BRD9: variants seen among roughly 807,000 people sequenced by gnomAD.
BRD9 encodes bromodomain-containing protein 9.
BRD9 carries 47 observed loss-of-function variants against 68.7 expected under a neutral mutation model. The observed-to-expected ratio is 0.68, with a 90% CI of 0.54 to 0.87. The LOEUF (loss-of-function observed/expected upper bound fraction) is 0.87, where lower values mean the gene tolerates loss of function less well. Ranked by LOEUF, BRD9 falls within the 40% of genes least tolerant of loss-of-function variation. BRD9 has a pLI of 0.00. For synonymous variants in BRD9, 313 were observed against 293.9 expected, an observed-to-expected ratio of 1.06 and a Z score of -0.67; for missense variants, 670 against 748.4, an observed-to-expected ratio of 0.90 and a Z score of 1.22.
At chr5:891,456 G>T in intron 2 of BRD9, 169 bp from the exon 3 acceptor site, 1 of 1,318,214 alleles carries the variant, frequency 7.6e-7, no homozygotes. Context: ...AGGGTCTGCT[G>T]AGGAACAGCA....
intron 14 of BRD9, among the ~76,000 whole-genome samples, chr5:867,579 C>T (rs974363166): frequency 6.6e-6 from 1 of 152,260 alleles, no homozygotes; most frequent in Non-Finnish European, 1.5e-5. Context: ...GAGCCCATCC[C>T]TTGCATCAGT....
intron 7 of BRD9, among the ~76,000 whole-genome samples, chr5:884,962 T>C (rs929103289): frequency 6.6e-6 from 1 of 152,238 alleles, no homozygotes; most frequent in Admixed American, 6.5e-5. Context: ...CTAAAGGGCC[T>C]GGATCCCACA....
intron 8 of BRD9, chr5:882,613 C>T (rs1751938880): frequency 6.2e-6 from 1 of 160,828 alleles, no homozygotes; most frequent in Non-Finnish European, 1.3e-5. Context: ...ACCACAAACT[C>T]CCAACAGGCG....
intron 11 of BRD9, among the ~76,000 whole-genome samples, chr5:876,813 G>C (rs1476121040): frequency 6.6e-6 from 1 of 152,232 alleles, no homozygotes. Flanking sequence ...AAGGATGGCT[G>C]CTGGTCAGAA....
intron 11 of BRD9, 59 bp from the exon 12 acceptor site, chr5:876,271 G>T: frequency 2.2e-6 from 3 of 1,351,654 alleles, no homozygotes; most frequent in East Asian, 2.4e-5. Context: ...GGCCCTCGCG[G>T]CAGCCCTGAT....
At position 870,699 on chromosome 5, in the gene BRD9, G is replaced by A. The variant is rs939197655; in HGVS notation, c.1423-124C>T. On this transcript the variant is annotated intron_variant, in intron 13 of 15. Coordinates refer to ENST00000467963, the MANE Select transcript of BRD9 (RefSeq NM_023924.5). ...AACGTGAACCCACCCCTCAGTAAGT[G>A]ACAAGACCAAGCCCTGTTCACTGAG... The A allele has an allele frequency of 5.9e-6, 4 of 680,738 alleles. No homozygotes were observed. The African/African-American group carries it at 7.1e-5, about 12-fold the overall frequency. 42.2% of individuals were successfully genotyped at this position (680,738 alleles called of 1,614,324 possible).
Position 864,502 on chromosome 5 carries a change from T to C in BRD9, c.1760A>G (p.Gln587Arg). The change falls in exon 16 of 16, where the codon CAG (glutamine) becomes CGG (arginine). Residue 587 changes from glutamine to arginine, a missense_variant. Coordinates refer to ENST00000467963, the MANE Select transcript of BRD9 (RefSeq NM_023924.5). ...DVTHDPYEFL[Q>R]SPEPAASAKT is the part of the protein sequence containing the mutation. ...GGCAGAGGCCGCAGGCTCTGGAGAC[T>C]GAAGAAACTCATAGGGGTCGTGGGT... 1 of 1,613,946 alleles carries C rather than the reference T, an allele frequency of 6.2e-7. No individual in the cohort carries two copies. The highest frequency in any genetic ancestry group is 8.5e-7 in the Non-Finnish European group (1 of 1,179,864).
chr5:884,380 G>C (rs1290698099), intron 7 of BRD9, among the ~76,000 whole-genome samples: 2 of 152,232 alleles, frequency 1.3e-5, no homozygotes, highest in African/African-American at 4.8e-5. Context: ...GCCCACACTG[G>C]TTAGTTATTA....
chr5:887,330 C>T (rs369901324), intron 6 of BRD9, 31 bp downstream of exon 6: 63 of 1,566,240 alleles, frequency 4.0e-5, no homozygotes, highest in African/African-American at 9.5e-5. Flanking sequence ...CCCTGCTTTC[C>T]GTAGCTCGCT....
intron 7 of BRD9, 99 bp downstream of exon 7, chr5:886,493 T>C: frequency 8.7e-7 from 1 of 1,153,066 alleles, no homozygotes; most frequent in Non-Finnish European, 1.3e-6. Flanking sequence ...TGACATGACA[T>C]CCGTTCTCTC....
intron 12 of BRD9, 91 bp downstream of exon 12, chr5:876,010 G>T: frequency 1.2e-6 from 1 of 849,962 alleles, no homozygotes; most frequent in Non-Finnish European, 1.9e-6. Flanking sequence ...ACAGCTCCTC[G>T]TCCCCGAAAG....
Position 892,023 on chromosome 5 carries a change from C to T in BRD9, c.53-169G>A. On this transcript the variant is annotated intron_variant, in intron 1 of 15. Coordinates refer to ENST00000467963, the MANE Select transcript of BRD9 (RefSeq NM_023924.5). ...GACCACAGTGGCGGCATGTCACTGC[C>T]TCCTTGTTCTCCCTTCCCCTCCGCA... is the stretch of plus-strand genomic sequence containing the variant. The T allele has an allele frequency of 2.8e-6, 3 of 1,080,760 alleles. No homozygotes were observed. The South Asian group carries it at 5.0e-5, about 18-fold the overall frequency. The allele number at this position is 1,080,760 out of a possible 1,614,324, so 66.9% of individuals were successfully genotyped here.
At chr5:873,376 C>T (rs1750432378) in intron 12 of BRD9, among the ~76,000 whole-genome samples, 1 of 152,130 alleles carries the variant, frequency 6.6e-6, no homozygotes, top group Non-Finnish European at 1.5e-5. Flanking sequence ...AAGCCACACC[C>T]ACAAGCCTAA....
At chr5:880,964 T>A in intron 9 of BRD9, 143 bp downstream of exon 9, 1 of 809,410 alleles carries the variant, frequency 1.2e-6, no homozygotes, top group African/African-American at 1.7e-5. Context: ...ACGTGTCACG[T>A]TGGGGTGCGA....
intron 11 of BRD9, 147 bp from the exon 12 acceptor site, chr5:876,359 G>A: frequency 1.7e-6 from 1 of 597,672 alleles, no homozygotes; most frequent in Non-Finnish European, 3.0e-6. Flanking sequence ...GGGAGTGGCT[G>A]ATAGTTTTCA....
intron 12 of BRD9, among the ~76,000 whole-genome samples, chr5:871,801 C>A (rs749531495): frequency 1.3e-5 from 2 of 152,226 alleles, no homozygotes; most frequent in Non-Finnish European, 2.9e-5. Context: ...CCGGGGACAG[C>A]GCTCCACAGG....
At chr5:882,074 C>T (rs1751853078) in intron 8 of BRD9, 1 of 152,712 alleles carries the variant, frequency 6.5e-6, no homozygotes, top group Admixed American at 6.5e-5. Context: ...CAACAGGCAT[C>T]TCCCAGCTCT....
Position 883,959 on chromosome 5 carries a change from G to T in BRD9, c.945C>A (p.Asn315Lys). Residue 315 changes from asparagine (N) to lysine (K), a missense_variant, in exon 8 of 16, where the codon AAC becomes AAA. Asn to Lys is a moderately conservative substitution (Grantham distance 94). This residue lies in a region of BRD9 where 135 missense variants were observed against 141.2 expected (regional missense o/e 0.96). Transcript: ENST00000467963. ...CTACCTTGCCGCCTGGGAGGAACCGGTTGATCCTGTCCCGAGCTTCGTCAG... is the reference window on the plus strand; with the variant it reads ...CTACCTTGCCGCCTGGGAGGAACCGTTTGATCCTGTCCCGAGCTTCGTCAG... ...HAADEARDRINRFLPGGKMGY... is the reference protein window; with the variant it reads ...HAADEARDRIKRFLPGGKMGY... The T allele has an allele frequency of 6.2e-7, 1 of 1,612,960 alleles. No homozygotes were observed.
intron 8 of BRD9, 25 bp from the exon 9 acceptor site, chr5:881,207 T>C: frequency 6.2e-7 from 1 of 1,609,636 alleles, no homozygotes; most frequent in Non-Finnish European, 8.5e-7. Context: ...TGCCTGAGCG[T>C]CTGTCCCTCA....
Sources: gnomAD v4.1 joint callset for allele counts (sites outside exome capture counted in the v4.1 genomes callset) on GRCh38, gnomAD v4.1.1 for gene constraint, gnomAD v4.1.1 regional missense constraint, MANE v1.5 for transcripts, NCBI Gene and HGNC (gene_info 2026-07-23, HGNC 2026-07-21) for gene names.